PRMT3: variants seen among roughly 807,000 people sequenced by gnomAD.
PRMT3 encodes protein arginine N-methyltransferase 3.
In PRMT3, 62 loss-of-function variants were observed where a neutral mutation model predicts 71.9. The ratio of observed to expected loss-of-function variants is 0.86; its 90% CI spans 0.70 to 1.07. The LOEUF (loss-of-function observed/expected upper bound fraction) is 1.07. Ranked by LOEUF, PRMT3 falls within the 50% of genes least tolerant of loss-of-function variation. The pLI is 0.00. For synonymous variants in PRMT3, 213 were observed against 220.4 expected (o/e 0.97, Z 0.30); for missense variants, 663 against 643.0 (o/e 1.03, Z -0.34).
intron 9 of PRMT3, among the ~76,000 whole-genome samples, chr11:20,423,454 T>G (rs1849470268): frequency 2.0e-5 from 3 of 152,196 alleles, no homozygotes; most frequent in African/African-American, 7.2e-5. Flanking sequence ...CCTTTTTGTT[T>G]ACATATTGTC....
At chr11:20,456,407 T>G (rs908043697) in intron 11 of PRMT3, among the ~76,000 whole-genome samples, 14 of 152,224 alleles carry the variant, frequency 9.2e-5, no homozygotes, top group African/African-American at 3.4e-4. Flanking sequence ...TTTTTGTGTA[T>G]AGTGTGAGAT....
intron 9 of PRMT3, among the ~76,000 whole-genome samples, chr11:20,414,297 G>A (rs1194418945): frequency 6.6e-6 from 1 of 152,114 alleles, no homozygotes; most frequent in African/African-American, 2.4e-5. Context: ...GGTTGTTACT[G>A]TAAACTGACA....
At chr11:20,451,881 G>T (rs1850156909) in intron 10 of PRMT3, among the ~76,000 whole-genome samples, 1 of 152,114 alleles carries the variant, frequency 6.6e-6, no homozygotes, top group African/African-American at 2.4e-5. Context: ...AGTCTGGAAA[G>T]TAGAATCATA....
At chr11:20,409,154 T>A (rs1197898253) in intron 9 of PRMT3, among the ~76,000 whole-genome samples, 1 of 152,172 alleles carries the variant, frequency 6.6e-6, no homozygotes, top group African/African-American at 2.4e-5. Context: ...TTTAAAAATT[T>A]AAATATGATT....
chr11:20,454,854 T>C (rs1410474548), intron 11 of PRMT3, among the ~76,000 whole-genome samples: 4 of 152,084 alleles, frequency 2.6e-5, no homozygotes, highest in African/African-American at 9.7e-5. Flanking sequence ...TGTCTCACCA[T>C]ACATATTATG....
rs1202704543 is a variant in PRMT3 at position 20,508,980 on chromosome 11, A to C, written c.*567A>C. ...CAGACAGCCTAGTTGATTATCTAGC[A>C]TACTTAGGGTTCTCATTTTGTAGTT... On this transcript the variant is annotated 3_prime_UTR_variant, in exon 16 of 16. Coordinates refer to ENST00000331079, the MANE Select transcript of PRMT3 (RefSeq NM_005788.4). 6.3e-6 allele frequency: 1 copy of C among 159,538 alleles called. No homozygotes were observed. The highest frequency in any genetic ancestry group is 2.4e-5 in the African/African-American group (1 of 41,518). The allele number at this position is 159,538 out of a possible 1,614,324, so 9.9% of individuals were successfully genotyped here.
rs1469029587 is a variant in PRMT3, at chr11:20,497,471, AAT to A, written c.1486+3219_1486+3220del. ...TAAAAGGAAATTTTACAGTTGGAAA[AAT>A]AGTCATTTCTTAGTTATGGGAGTAT... On this transcript the variant is annotated intron_variant, in intron 15 of 15. Transcript: ENST00000331079. 2.7e-5 allele frequency among the ~76,000 whole-genome samples: 4 copies of A among 150,874 alleles called. No homozygotes were observed. The Admixed American group carries it at 2.7e-4, about 10-fold the overall frequency.
At chr11:20,491,236 C>A (rs1851199222) in intron 13 of PRMT3, among the ~76,000 whole-genome samples, 1 of 151,942 alleles carries the variant, frequency 6.6e-6, no homozygotes, top group South Asian at 2.1e-4. Flanking sequence ...TTGATTCATT[C>A]CATTGTGTTT....
intron 8 of PRMT3, among the ~76,000 whole-genome samples, chr11:20,404,621 G>A (rs894035965): frequency 2.0e-5 from 3 of 152,116 alleles, no homozygotes; most frequent in Non-Finnish European, 4.4e-5. Flanking sequence ...AGCAAATTAT[G>A]TTGCTGTTAA....
At chr11:20,420,405 C>G (rs1177231132) in intron 9 of PRMT3, among the ~76,000 whole-genome samples, 3 of 152,056 alleles carry the variant, frequency 2.0e-5, no homozygotes, top group African/African-American at 4.8e-5. Flanking sequence ...GTCCCCAATC[C>G]CCAGGCTGCG....
chr11:20,392,838 C>G (rs1245449884), intron 4 of PRMT3, 59 bp from the exon 5 acceptor site: 2 of 1,095,828 alleles, frequency 1.8e-6, no homozygotes, highest in Non-Finnish European at 2.7e-6. Flanking sequence ...GTAGTTTTTA[C>G]TAAGGGGATT....
chr11:20,404,211 GTTTTTTTTTTTTTTTTTT>G (rs71063629), intron 8 of PRMT3, among the ~76,000 whole-genome samples: 9 of 34,332 alleles, frequency 2.6e-4, no homozygotes, highest in South Asian at 1.4e-3. Context: ...ACTTTTCATA[GTTTTTTTTTTTTTTTTTT>G]TTTTTTTTTT....
intron 15 of PRMT3, 95 bp from the exon 16 acceptor site, chr11:20,508,209 C>G: frequency 2.1e-6 from 1 of 482,416 alleles, no homozygotes; most frequent in South Asian, 4.2e-5. Context: ...AGTGGGAAAA[C>G]ATCACAATAA....
chr11:20,389,600 A>G (rs970093581), intron 2 of PRMT3, 144 bp from the exon 3 acceptor site: 1 of 528,486 alleles, frequency 1.9e-6, no homozygotes, highest in Non-Finnish European at 3.3e-6. Flanking sequence ...CCTTTCAGAT[A>G]CAAGTGTGTT....
chr11:20,505,593 T>C (rs1412958831), intron 15 of PRMT3, among the ~76,000 whole-genome samples: 1 of 152,234 alleles, frequency 6.6e-6, no homozygotes, highest in Non-Finnish European at 1.5e-5. Flanking sequence ...TTTATCATAA[T>C]GTGGCTGTTC....
At chr11:20,454,369 C>A (rs1850220776) in intron 11 of PRMT3, among the ~76,000 whole-genome samples, 1 of 152,142 alleles carries the variant, frequency 6.6e-6, no homozygotes. Flanking sequence ...CACTGAAATT[C>A]ATTAAGAACT....
intron 10 of PRMT3, among the ~76,000 whole-genome samples, chr11:20,447,322 T>G (rs946970138): frequency 6.6e-6 from 1 of 151,972 alleles, no homozygotes; most frequent in African/African-American, 2.4e-5. Context: ...CATTTTAGAT[T>G]GTTAGAATTT....
intron 9 of PRMT3, among the ~76,000 whole-genome samples, chr11:20,411,841 GAA>G (rs900865890): frequency 1.1e-4 from 16 of 152,114 alleles, no homozygotes; most frequent in African/African-American, 3.9e-4. Context: ...GCTTAGTGAG[GAA>G]AAGTTTTATT....
intron 7 of PRMT3, among the ~76,000 whole-genome samples, chr11:20,399,037 G>A (rs2133307716): frequency 6.6e-6 from 1 of 152,282 alleles, no homozygotes; most frequent in African/African-American, 2.4e-5. Flanking sequence ...ATAGGAAGAT[G>A]TAATTTTTAG....
Sources: allele counts gnomAD v4.1 joint callset (sites outside exome capture counted in the v4.1 genomes callset), GRCh38; gene constraint gnomAD v4.1.1; transcripts MANE v1.5; gene names NCBI Gene and HGNC (gene_info 2026-07-23, HGNC 2026-07-21).